Variants in WWC1 observed in about 807,000 individuals in gnomAD.
WWC1 encodes protein KIBRA.
WWC1 carries 55 observed loss-of-function variants against 138.4 expected under a neutral mutation model. That is an observed-to-expected ratio of 0.40 (90% CI 0.32 to 0.50). WWC1 has a LOEUF of 0.50. Among genes scored for constraint, WWC1 ranks in the 20% least tolerant of loss-of-function variants. The probability of loss-of-function intolerance (pLI) is 0.72; values close to 1 mark genes in which losing one functional copy is unlikely to be tolerated. For synonymous variants in WWC1, 524 were observed against 564.9 expected, an observed-to-expected ratio of 0.93 and a Z score of 1.03; for missense variants, 1,226 against 1,420.4, an observed-to-expected ratio of 0.86 and a Z score of 2.20.
intron 1 of WWC1, among the ~76,000 whole-genome samples, chr5:168,313,831 A>G (rs1359043148): frequency 1.3e-5 from 2 of 152,222 alleles, no homozygotes; most frequent in Non-Finnish European, 2.9e-5. Flanking sequence ...TTTTACAACC[A>G]GCTATAAATA....
chr5:168,395,788 A>G (rs1582146887), intron 3 of WWC1, among the ~76,000 whole-genome samples: 1 of 152,258 alleles, frequency 6.6e-6, no homozygotes, highest in East Asian at 1.9e-4. Flanking sequence ...CTCCATCATC[A>G]TTATCATTGT....
chr5:168,346,564 T>C (rs1774494829), intron 1 of WWC1, among the ~76,000 whole-genome samples: 1 of 152,118 alleles, frequency 6.6e-6, no homozygotes, highest in African/African-American at 2.4e-5. Flanking sequence ...AAATGCTTGT[T>C]GAGAAAATAA....
intron 5 of WWC1, among the ~76,000 whole-genome samples, chr5:168,404,695 T>C (rs1290328523): frequency 6.6e-6 from 1 of 152,186 alleles, no homozygotes; most frequent in Non-Finnish European, 1.5e-5. Flanking sequence ...TTTGTGGTGT[T>C]CCCGCAGACT....
At chr5:168,404,644 A>C (rs1779645446) in intron 5 of WWC1, among the ~76,000 whole-genome samples, 1 of 152,142 alleles carries the variant, frequency 6.6e-6, no homozygotes, top group Admixed American at 6.5e-5. Context: ...GGAAACCACA[A>C]AGGAATGCCT....
intron 1 of WWC1, among the ~76,000 whole-genome samples, chr5:168,328,876 C>G (rs567706937): frequency 9.7e-4 from 147 of 152,168 alleles, no homozygotes; most frequent in Non-Finnish European, 1.9e-3. Flanking sequence ...AAAGTACTTG[C>G]ATGACCTCGG....
At chr5:168,302,285 G>T (rs1388089564) in intron 1 of WWC1, among the ~76,000 whole-genome samples, 1 of 152,230 alleles carries the variant, frequency 6.6e-6, no homozygotes, top group African/African-American at 2.4e-5. Flanking sequence ...CCAGCGGGGG[G>T]TTGGCCATTC....
chr5:168,444,158 C>T (rs765675924), intron 16 of WWC1, among the ~76,000 whole-genome samples: 4 of 152,320 alleles, frequency 2.6e-5, no homozygotes, highest in Non-Finnish European at 4.4e-5. Context: ...TGTTATGTTA[C>T]TGATGGTTCA....
chr5:168,431,912 A>G (rs543174414), intron 15 of WWC1, among the ~76,000 whole-genome samples: 3 of 152,232 alleles, frequency 2.0e-5, no homozygotes, highest in South Asian at 4.1e-4. Context: ...TCTACAAAAA[A>G]TAAAATTAGC....
chr5:168,439,423 G>A (rs1463380709), intron 15 of WWC1, among the ~76,000 whole-genome samples: 4 of 150,638 alleles, frequency 2.7e-5, no homozygotes, highest in Admixed American at 6.6e-5. Context: ...TCGGGAGTTC[G>A]AGACCAGCCT....
chr5:168,339,854 T>A lies in WWC1; in HGVS notation c.120-31570T>A, dbSNP rs1462167157. The stretch of plus-strand genomic sequence containing the variant: ...TCTTTTTCTTTTCTTTCTTTCTTTC[T>A]CTCTTTCTCTCTCTCTCTCTCCCTC... On this transcript the variant is annotated intron_variant, in intron 1 of 22. Transcript: ENST00000265293. Among the ~76,000 whole-genome samples, 4 of 149,806 alleles carry A rather than the reference T, an allele frequency of 2.7e-5. No homozygotes were observed. The East Asian group carries it at 7.8e-4, about 29-fold the overall frequency.
intron 22 of WWC1, among the ~76,000 whole-genome samples, 168 bp from the exon 23 acceptor site, chr5:168,468,783 G>C (rs1561809391): frequency 6.6e-6 from 1 of 152,170 alleles, no homozygotes; most frequent in African/African-American, 2.4e-5. Context: ...TGTCATAACT[G>C]GAGGTCAAGG....
chr5:168,302,031 G>A (rs1770136129), intron 1 of WWC1, among the ~76,000 whole-genome samples: 1 of 152,208 alleles, frequency 6.6e-6, no homozygotes, highest in East Asian at 1.9e-4. Context: ...GGAGTGAAGC[G>A]ACTCTTGCCA....
chr5:168,298,654 T>C (rs559001858), intron 1 of WWC1, among the ~76,000 whole-genome samples: 108 of 152,274 alleles, frequency 7.1e-4, no homozygotes, highest in South Asian at 3.3e-3. Context: ...AATAAAATAA[T>C]AGTCAATACC....
chr5:168,399,664 C>A (rs980979835), intron 5 of WWC1, 97 bp downstream of exon 5: 97 of 1,217,748 alleles, frequency 8.0e-5, no homozygotes, highest in Non-Finnish European at 1.0e-4. Context: ...CCTTTCCTCC[C>A]TTCTCAAAAT....
At position 168,470,396 on chromosome 5, in the gene WWC1, C is replaced by T. The variant is rs563685633; in HGVS notation, c.*1379C>T. On this transcript the variant is annotated 3_prime_UTR_variant, in exon 23 of 23. Coordinates refer to ENST00000265293, the MANE Select transcript of WWC1 (RefSeq NM_015238.3). ...CTAAAAATACAAAAAATTAGCCGGC[C>T]GTGGTGGCGGGCAGCTACTCGGGAG... 1.3e-5 allele frequency: 2 copies of T among 152,008 alleles called. No individual in the cohort carries two copies. The highest frequency in any genetic ancestry group is 1.9e-4 in the East Asian group (1 of 5,158). The allele number at this position is 152,008 out of a possible 1,614,324, so 9.4% of individuals were successfully genotyped here.
intron 5 of WWC1, among the ~76,000 whole-genome samples, chr5:168,405,502 A>G (rs114594863): frequency 1.3e-5 from 2 of 152,280 alleles, no homozygotes; most frequent in African/African-American, 2.4e-5. Context: ...CGCATAAACT[A>G]TAAATTATCA....
intron 5 of WWC1, 116 bp from the exon 6 acceptor site, chr5:168,406,082 G>A (rs1779765104): frequency 1.5e-6 from 2 of 1,321,350 alleles, no homozygotes; most frequent in African/African-American, 1.5e-5. Flanking sequence ...GGGTTAGCAG[G>A]ACAGAGGGAG....
At chr5:168,467,802 C>A (rs750216294) in intron 21 of WWC1, 38 bp from the exon 22 acceptor site, 2 of 1,613,608 alleles carry the variant, frequency 1.2e-6, no homozygotes, top group Admixed American at 3.3e-5. Flanking sequence ...TTCTGGAGGC[C>A]CCCTCCACTG....
At chr5:168,374,998 G>C (rs1777059771) in intron 2 of WWC1, among the ~76,000 whole-genome samples, 1 of 152,186 alleles carries the variant, frequency 6.6e-6, no homozygotes, top group African/African-American at 2.4e-5. Context: ...AAAACTGCAG[G>C]GGGAGTAGAC....
Sources: allele counts gnomAD v4.1 joint callset (sites outside exome capture counted in the v4.1 genomes callset), GRCh38; gene constraint gnomAD v4.1.1; transcripts MANE v1.5; gene names NCBI Gene and HGNC (gene_info 2026-07-23, HGNC 2026-07-21).